CLVS2: variants seen among roughly 807,000 people sequenced by gnomAD.
The protein encoded by CLVS2 is clavesin-2.
In CLVS2, 19 loss-of-function variants were observed where a neutral mutation model predicts 29.0. The ratio of observed to expected loss-of-function variants is 0.66; its 90% CI spans 0.46 to 0.96. The LOEUF is 0.96. Among genes scored for constraint, CLVS2 ranks in the 40% least tolerant of loss-of-function variants. CLVS2 has a pLI of 0.00. For synonymous variants in CLVS2, 161 were observed against 151.3 expected (o/e 1.06, Z -0.47); for missense variants, 294 against 404.1 (o/e 0.73, Z 2.34).
intron 3 of CLVS2, among the ~76,000 whole-genome samples, chr6:123,024,741 A>G (rs1774976182): frequency 6.6e-6 from 1 of 152,128 alleles, no homozygotes; most frequent in African/African-American, 2.4e-5. Context: ...TGGAAATAAT[A>G]CTGGCCAAGT....
chr6:123,056,958 A>T (rs1278370638), intron 5 of CLVS2, among the ~76,000 whole-genome samples: 1 of 152,194 alleles, frequency 6.6e-6, no homozygotes, highest in African/African-American at 2.4e-5. Context: ...TTTGACTCTC[A>T]CAGCACTTTT....
At chr6:123,029,094 T>C (rs929640773) in intron 3 of CLVS2, among the ~76,000 whole-genome samples, 36 of 152,322 alleles carry the variant, frequency 2.4e-4, no homozygotes, top group African/African-American at 8.7e-4. Context: ...AACCTGGCCA[T>C]GCCTGCACCC....
At chr6:123,028,398 G>T (rs1775033147) in intron 3 of CLVS2, among the ~76,000 whole-genome samples, 1 of 152,130 alleles carries the variant, frequency 6.6e-6, no homozygotes, top group African/African-American at 2.4e-5. Flanking sequence ...GGTGGCTCAT[G>T]CCTGTAATCC....
At chr6:122,996,935 T>C (rs998950064) in intron 1 of CLVS2, among the ~76,000 whole-genome samples, 189 bp downstream of exon 1, 3 of 138,784 alleles carry the variant, frequency 2.2e-5, no homozygotes, top group African/African-American at 7.7e-5. Flanking sequence ...TCCGTGGAAA[T>C]GAAGGGCTAG....
At chr6:123,040,737 C>T (rs1775216994) in intron 3 of CLVS2, among the ~76,000 whole-genome samples, 1 of 144,096 alleles carries the variant, frequency 6.9e-6, no homozygotes, top group South Asian at 2.4e-4. Flanking sequence ...CATTGCACTC[C>T]AGCCTGGGTA....
chr6:123,032,640 A>C (rs984428963), intron 3 of CLVS2, among the ~76,000 whole-genome samples: 65 of 152,114 alleles, frequency 4.3e-4, no homozygotes, highest in African/African-American at 1.5e-3. Flanking sequence ...TGAATGCTGC[A>C]TGGCTATAGG....
At chr6:123,035,530 A>G (rs1242612868) in intron 3 of CLVS2, among the ~76,000 whole-genome samples, 1 of 152,118 alleles carries the variant, frequency 6.6e-6, no homozygotes, top group Non-Finnish European at 1.5e-5. Flanking sequence ...GAGCTACACT[A>G]TCTATTCTAA....
At chr6:123,061,834 C>T (rs149279146) in intron 5 of CLVS2, among the ~76,000 whole-genome samples, 70 of 152,052 alleles carry the variant, frequency 4.6e-4, no homozygotes, top group African/African-American at 1.6e-3. Flanking sequence ...TTGGTATGTA[C>T]TTATGGAATA....
intron 3 of CLVS2, among the ~76,000 whole-genome samples, chr6:123,048,233 A>C (rs930881072): frequency 6.6e-6 from 1 of 151,784 alleles, no homozygotes; most frequent in Non-Finnish European, 1.5e-5. Context: ...TAAAAAATAG[A>C]TTTTAATATA....
intron 4 of CLVS2, among the ~76,000 whole-genome samples, chr6:123,054,411 A>G (rs990053263): frequency 2.0e-5 from 3 of 152,102 alleles, no homozygotes; most frequent in Non-Finnish European, 2.9e-5. Flanking sequence ...GCCTCATGTC[A>G]TGTACTCCAG....
Position 123,065,978 on chromosome 6 carries a change from T to A in CLVS2, c.*2217T>A, listed in dbSNP as rs1772848229. 1 of 151,692 alleles carries A rather than the reference T, an allele frequency of 6.6e-6. No individual in the cohort carries two copies. The highest frequency in any genetic ancestry group is 2.4e-5 in the African/African-American group (1 of 41,408). 9.4% of individuals were successfully genotyped at this position (151,692 alleles called of 1,614,324 possible). A position where few individuals can be genotyped will look rare whatever the true frequency, so the allele number is the denominator to read the frequency against. On this transcript the variant is annotated 3_prime_UTR_variant, in exon 6 of 6. Transcript: ENST00000275162. ...TTCACACTGTCTCCCAGACCCACAT[T>A]TGGAAAGTTTGCATTGCATTACTGC... is the stretch of plus-strand genomic sequence containing the variant.
intron 5 of CLVS2, among the ~76,000 whole-genome samples, chr6:123,060,924 A>T (rs1296509625): frequency 2.6e-5 from 4 of 152,232 alleles, no homozygotes; most frequent in Non-Finnish European, 5.9e-5. Context: ...AGAAATGAGT[A>T]TTGGATATCT....
chr6:123,007,518 A>T (rs1774686673), intron 2 of CLVS2, among the ~76,000 whole-genome samples: 1 of 152,196 alleles, frequency 6.6e-6, no homozygotes, highest in Non-Finnish European at 1.5e-5. Flanking sequence ...CTGATTTCAT[A>T]ACTGAAAAAT....
chr6:123,027,497 T>C (rs1775021768), intron 3 of CLVS2, among the ~76,000 whole-genome samples: 1 of 152,154 alleles, frequency 6.6e-6, no homozygotes. Flanking sequence ...TTTAAATCTG[T>C]TTCATCTCAC....
intron 5 of CLVS2, among the ~76,000 whole-genome samples, chr6:123,061,773 G>A (rs1477809249): frequency 6.6e-6 from 1 of 152,188 alleles, no homozygotes; most frequent in Non-Finnish European, 1.5e-5. Flanking sequence ...ATGTGTAATA[G>A]TATATTAGGG....
intron 3 of CLVS2, among the ~76,000 whole-genome samples, chr6:123,012,554 A>G (rs1774764751): frequency 6.6e-6 from 1 of 151,770 alleles, no homozygotes; most frequent in Admixed American, 6.6e-5. Context: ...TACTTTATGG[A>G]GTTTTTTAAT....
At chr6:123,014,764 G>A (rs1392823460) in intron 3 of CLVS2, among the ~76,000 whole-genome samples, 1 of 152,018 alleles carries the variant, frequency 6.6e-6, no homozygotes, top group Non-Finnish European at 1.5e-5. Flanking sequence ...ATGACTTTGG[G>A]AATCTGAATA....
At chr6:123,022,609 C>G (rs916813405) in intron 3 of CLVS2, among the ~76,000 whole-genome samples, 2 of 151,878 alleles carry the variant, frequency 1.3e-5, no homozygotes, top group African/African-American at 2.4e-5. Flanking sequence ...CTTTTTCCCC[C>G]CCCAGGGTAA....
chr6:123,064,670 G>GTATATA lies in CLVS2; in HGVS notation c.*921_*926dup, dbSNP rs35592171. ...CTAATTGTTGTGCACTGGTTAAAAA[G>GTATATA]TATATATATATATATATTCACACAT... is the stretch of plus-strand genomic sequence containing the variant. On this transcript the variant is annotated 3_prime_UTR_variant, in exon 6 of 6. Transcript: ENST00000275162. 136 of 147,922 alleles carry GTATATA rather than the reference G, an allele frequency of 9.2e-4. No individual in the cohort carries two copies. The highest frequency in any genetic ancestry group is 3.2e-3 in the African/African-American group (130 of 40,612). 9.2% of individuals were successfully genotyped at this position (147,922 alleles called of 1,614,324 possible).
Sources: gnomAD v4.1 joint callset for allele counts (sites outside exome capture counted in the v4.1 genomes callset) on GRCh38, gnomAD v4.1.1 for gene constraint, MANE v1.5 for transcripts, NCBI Gene and HGNC (gene_info 2026-07-23, HGNC 2026-07-21) for gene names.